NLGN4X: variants seen among roughly 807,000 people sequenced by gnomAD.
NLGN4X encodes the protein neuroligin 4 X-linked.
NLGN4X carries 3 observed loss-of-function variants against 40.3 expected under a neutral mutation model. That is an observed-to-expected ratio of 0.07 (90% confidence interval 0.03 to 0.19). NLGN4X has a LOEUF of 0.19. NLGN4X is among the 10% of genes least tolerant of loss of function. The pLI is 1.00. For synonymous variants in NLGN4X, 270 were observed against 306.8 expected (o/e 0.88, Z 1.25); for missense variants, 382 against 708.3 (o/e 0.54, Z 5.23).
chrX:6,138,183 A>T (rs1234438505), intron 2 of NLGN4X, among the ~76,000 whole-genome samples: 3 of 112,213 alleles, frequency 2.7e-5, no homozygotes, highest in Non-Finnish European at 5.6e-5. Context: ...TATTACAAAA[A>T]CTTGTGGCTT....
At chrX:6,027,007 G>A (rs1479662930) in intron 3 of NLGN4X, among the ~76,000 whole-genome samples, 1 of 111,601 alleles carries the variant, frequency 9.0e-6, no homozygotes, top group East Asian at 2.8e-4. Context: ...TATCTTATCA[G>A]ACACATCAAT....
intron 2 of NLGN4X, among the ~76,000 whole-genome samples, chrX:6,060,532 C>T (rs912618050): frequency 8.9e-6 from 1 of 111,749 alleles, no homozygotes; most frequent in African/African-American, 3.2e-5. Flanking sequence ...GTAGGTTAAT[C>T]GAGATGCCTG....
At position 6,031,034 on chromosome X, in the gene NLGN4X, C is replaced by A. The variant is rs181925576; in HGVS notation, c.473-1602G>T. On this transcript the variant is annotated intron_variant, in intron 2 of 5. Coordinates refer to ENST00000381095, the MANE Select transcript of NLGN4X (RefSeq NM_181332.3). ...CTCTTACCTTTCATAAAATATAGAA[C>A]AAGACTCTCTTGAACTTGTGGAAGT... Among the ~76,000 whole-genome samples, 194 of 111,905 alleles carry A rather than the reference C, an allele frequency of 1.7e-3. 1 individual carries two copies. Among genetic ancestry groups the A allele is most frequent in the African/African-American group, 5.9e-3 (182 of 30,872 alleles).
chrX:5,969,737 C>T (rs757525359), intron 3 of NLGN4X, among the ~76,000 whole-genome samples: 80 of 109,968 alleles, frequency 7.3e-4, no homozygotes, highest in South Asian at 1.6e-3. Flanking sequence ...ATGTTTATTG[C>T]GTCACTATTC....
At chrX:6,177,240 C>A (rs1920971083) in intron 1 of NLGN4X, among the ~76,000 whole-genome samples, 2 of 111,944 alleles carry the variant, frequency 1.8e-5, no homozygotes, top group African/African-American at 6.5e-5. Flanking sequence ...CTCATTGCAA[C>A]CTCTGCCTCC....
intron 2 of NLGN4X, among the ~76,000 whole-genome samples, chrX:6,144,042 G>A (rs2040000420): frequency 8.9e-6 from 1 of 111,829 alleles, no homozygotes; most frequent in South Asian, 3.7e-4. Context: ...CCAGGAGTTC[G>A]AGGCTGCAGT....
intron 3 of NLGN4X, among the ~76,000 whole-genome samples, chrX:6,024,327 A>G (rs16997675): frequency 0.21 from 23,210 of 110,834 alleles, 1,875 homozygotes; most frequent in East Asian, 0.27. Context: ...CTGAGCAGAT[A>G]GGAACACCAC....
intron 3 of NLGN4X, among the ~76,000 whole-genome samples, chrX:6,025,589 G>C (rs368945394): frequency 2.7e-3 from 298 of 111,797 alleles, no homozygotes; most frequent in African/African-American, 9.3e-3. Flanking sequence ...ATCTACATGA[G>C]TCCATTAAAT....
chrX:5,999,308 C>T (rs1268139717), intron 3 of NLGN4X, among the ~76,000 whole-genome samples: 1 of 112,204 alleles, frequency 8.9e-6, no homozygotes, highest in Non-Finnish European at 1.9e-5. Flanking sequence ...TAATTTTCAA[C>T]CTAAATAAAT....
chrX:6,152,076 GAGTAGCTGGGACCACAAGCAT>G (rs1253233062), intron 1 of NLGN4X, among the ~76,000 whole-genome samples: 1 of 110,539 alleles, frequency 9.0e-6, no homozygotes, highest in Non-Finnish European at 1.9e-5. Flanking sequence ...TCACCCTCCC[GAGTAGCTGGGACCACAAGCAT>G]GCACCACTAT....
intron 3 of NLGN4X, among the ~76,000 whole-genome samples, chrX:5,979,617 T>C (rs954090935): frequency 1.8e-5 from 2 of 109,956 alleles, no homozygotes; most frequent in African/African-American, 6.6e-5. Context: ...CACATTTTCA[T>C]TGGGCTATTG....
At chrX:6,174,367 G>T (rs2040676878) in intron 1 of NLGN4X, among the ~76,000 whole-genome samples, 2 of 112,067 alleles carry the variant, frequency 1.8e-5, no homozygotes, top group Admixed American at 1.9e-4. Flanking sequence ...AAAGTAGTTT[G>T]GAGATTTCTC....
At chrX:5,893,826 C>A (rs1413081991) in intron 5 of NLGN4X, among the ~76,000 whole-genome samples, 160 bp from the exon 6 acceptor site, 2 of 112,350 alleles carry the variant, frequency 1.8e-5, no homozygotes, top group Non-Finnish European at 3.8e-5. Flanking sequence ...TGCTTTAATC[C>A]TAGACCTGTC....
chrX:5,904,811 T>A (rs1470607770), intron 4 of NLGN4X, among the ~76,000 whole-genome samples: 1 of 112,016 alleles, frequency 8.9e-6, no homozygotes, highest in Non-Finnish European at 1.9e-5. Flanking sequence ...GAATAAGGCA[T>A]TCAGTTGTGA....
At chrX:6,049,784 T>C (rs867812810) in intron 2 of NLGN4X, among the ~76,000 whole-genome samples, 5 of 99,823 alleles carry the variant, frequency 5.0e-5, no homozygotes, top group South Asian at 4.7e-4. Flanking sequence ...ATGAAGAAAA[T>C]AATGCCAAGT....
In NLGN4X at chrX:6,215,530, C is replaced by T. The variant is rs776180180; in HGVS notation, c.-306+13011G>A. Reference sequence around the variant, plus strand: ...CGCCATTGCACTCCAGCGTGGGTAACGAAAGCGAAACTCCGTCTCAAAAAA... The same window carrying T: ...CGCCATTGCACTCCAGCGTGGGTAATGAAAGCGAAACTCCGTCTCAAAAAA... On this transcript the variant is annotated intron_variant, in intron 1 of 5. Transcript: ENST00000381095. 4.6e-4 allele frequency among the ~76,000 whole-genome samples: 42 copies of T among 91,511 alleles called. 1 individual carries two copies. The highest frequency in any genetic ancestry group is 9.5e-4 in the East Asian group (3 of 3,157). 79.5% of individuals were successfully genotyped at this position (91,511 alleles called of 115,157 possible).
chrX:6,174,266 A>AT (rs1324091990), intron 1 of NLGN4X, among the ~76,000 whole-genome samples: 3 of 111,397 alleles, frequency 2.7e-5, no homozygotes, highest in Non-Finnish European at 3.8e-5. Context: ...GTCAAAAAAA[A>AT]AAATATATAA....
chrX:5,979,960 G>GT (rs2035333496), intron 3 of NLGN4X, among the ~76,000 whole-genome samples: 1 of 105,273 alleles, frequency 9.5e-6, no homozygotes, highest in African/African-American at 3.5e-5. Flanking sequence ...AAAAAACACA[G>GT]TATTTTAAAT....
intron 2 of NLGN4X, among the ~76,000 whole-genome samples, chrX:6,131,288 C>A (rs1384582810): frequency 1.8e-5 from 2 of 111,737 alleles, no homozygotes. Flanking sequence ...TGTTCCATGT[C>A]TTGATAAATT....
Sources: allele counts gnomAD v4.1 joint callset (sites outside exome capture counted in the v4.1 genomes callset), GRCh38; gene constraint gnomAD v4.1.1; transcripts MANE v1.5; gene names NCBI Gene and HGNC (gene_info 2026-07-23, HGNC 2026-07-21).